SYNE2: variants seen among roughly 807,000 people sequenced by gnomAD.
SYNE2 encodes spectrin repeat containing nuclear envelope protein 2, also known as nesprin-2.
In SYNE2, 431 loss-of-function variants were observed where a neutral mutation model predicts 856.3. The ratio of observed to expected loss-of-function variants is 0.50; its 90% CI spans 0.47 to 0.55. The LOEUF (loss-of-function observed/expected upper bound fraction) is 0.55. SYNE2 is among the 20% of genes least tolerant of loss of function. SYNE2 has a pLI of 0.00. For synonymous variants in SYNE2, 2,923 were observed against 2,872.3 expected (o/e 1.02, Z -0.56); for missense variants, 8,129 against 8,023.2 (o/e 1.01, Z -0.50).
chr14:64,091,680 A>G lies in SYNE2; in HGVS notation c.11976+632A>G, dbSNP rs77947874. ...GGTGGTGGTGGTTGGGTTTTGTTAA[A>G]TCACTACTCTCCATCAGGAATCATC... On this transcript the variant is annotated intron_variant, in intron 60 of 115. Transcript: ENST00000555002. 8.5e-5 allele frequency among the ~76,000 whole-genome samples: 13 copies of G among 152,224 alleles called. No individual in the cohort carries two copies. In the East Asian group the frequency reaches 2.3e-3, roughly 27 times the overall value.
intron 73 of SYNE2, 152 bp downstream of exon 73, chr14:64,126,959 A>C: frequency 9.9e-7 from 1 of 1,009,354 alleles, no homozygotes; most frequent in Non-Finnish European, 1.5e-6. Flanking sequence ...GTTGGAGATC[A>C]TTTGAAAGTG....
At chr14:63,927,409 A>G (rs546359362) in intron 2 of SYNE2, among the ~76,000 whole-genome samples, 2 of 152,178 alleles carry the variant, frequency 1.3e-5, no homozygotes, top group South Asian at 4.1e-4. Context: ...CCCCACCCAA[A>G]TCTCATCTTG....
chr14:63,949,693 G>C, intron 6 of SYNE2, 132 bp from the exon 7 acceptor site: 1 of 907,242 alleles, frequency 1.1e-6, no homozygotes, highest in Non-Finnish European at 1.8e-6. Flanking sequence ...GATTTGCCCA[G>C]TATTCATTTC....
intron 99 of SYNE2, chr14:64,190,642 G>T: frequency 1.4e-6 from 1 of 701,852 alleles, no homozygotes; most frequent in Admixed American, 2.0e-5. Flanking sequence ...GCTTCTGGAT[G>T]CTGGGGGCCC....
chr14:64,100,557 T>A lies in SYNE2; in HGVS notation c.12382-1375T>A, dbSNP rs533828204. Among the ~76,000 whole-genome samples the A allele has an allele frequency of 1.2e-3, 155 of 128,660 alleles. 2 individuals carry two copies. The highest frequency in any genetic ancestry group is 1.6e-3 in the African/African-American group (56 of 34,102). The allele number at this position is 128,660 out of a possible 152,430, so 84.4% of individuals were successfully genotyped here. A position where few individuals can be genotyped will look rare whatever the true frequency, so the allele number is the denominator to read the frequency against. ...ATATATATATATATATATATATATATATATATATATATATTTATGACATGT... is the reference window on the plus strand; with the variant it reads ...ATATATATATATATATATATATATAAATATATATATATATTTATGACATGT... On this transcript the variant is annotated intron_variant, in intron 63 of 115. Coordinates refer to ENST00000555002, the MANE Select transcript of SYNE2 (RefSeq NM_182914.3).
At position 64,130,289 on chromosome 14, in the gene SYNE2, A is replaced by C. The variant is rs980419863; in HGVS notation, c.14340+41A>C. On this transcript the variant is annotated intron_variant, in intron 76 of 115. Transcript: ENST00000555002. ...GGGTCGGGTGACCCCTTCATAGACTAAAATCTTAAGGTATTTCTGAATGTG... is the reference window on the plus strand; with the variant it reads ...GGGTCGGGTGACCCCTTCATAGACTCAAATCTTAAGGTATTTCTGAATGTG... The C allele has an allele frequency of 2.6e-6, 4 of 1,518,370 alleles. No individual in the cohort carries two copies. In the African/African-American group the frequency reaches 5.5e-5, roughly 21 times the overall value. The allele number at this position is 1,518,370 out of a possible 1,614,324, so 94.1% of individuals were successfully genotyped here.
intron 94 of SYNE2, among the ~76,000 whole-genome samples, chr14:64,171,583 A>C (rs867496677): frequency 4.4e-4 from 67 of 152,312 alleles, no homozygotes; most frequent in African/African-American, 1.6e-3. Context: ...CAGCCATGCA[A>C]GATCTAAGGA....
At chr14:63,887,749 CT>C (rs11450102) in intron 1 of SYNE2, among the ~76,000 whole-genome samples, 1,470 of 108,234 alleles carry the variant, frequency 0.014, 6 homozygotes, top group African/African-American at 0.043. Context: ...GTGAGTCCTG[CT>C]TTTTTTTTTT....
chr14:64,030,132 G>C, intron 44 of SYNE2, 73 bp downstream of exon 44: 1 of 1,446,578 alleles, frequency 6.9e-7, no homozygotes. Flanking sequence ...TGATTAATCA[G>C]TGTCCTCTGT....
At chr14:63,965,286 A>G (rs2096375727) in intron 10 of SYNE2, among the ~76,000 whole-genome samples, 2 of 152,172 alleles carry the variant, frequency 1.3e-5, no homozygotes, top group Admixed American at 1.3e-4. Context: ...TCTATGTAGC[A>G]GATACCTTGC....
chr14:64,125,036 G>C, intron 70 of SYNE2, 43 bp from the exon 71 acceptor site: 1 of 1,611,596 alleles, frequency 6.2e-7, no homozygotes, highest in African/African-American at 1.3e-5. Context: ...AACATCAGCA[G>C]GGTCTAAAAC....
intron 1 of SYNE2, among the ~76,000 whole-genome samples, chr14:63,769,525 G>A (rs147663906): frequency 0.01 from 1,553 of 152,122 alleles, 27 homozygotes; most frequent in African/African-American, 0.035. Context: ...AAAATTAGCT[G>A]GGCGTGGTGG....
At chr14:63,804,983 T>C (rs186695637) in intron 1 of SYNE2, among the ~76,000 whole-genome samples, 20 of 152,322 alleles carry the variant, frequency 1.3e-4, no homozygotes, top group Admixed American at 1.2e-3. Context: ...CCCTGCACCA[T>C]TTATTGAATA....
chr14:64,192,333 A>T (rs2098522428), intron 99 of SYNE2, among the ~76,000 whole-genome samples: 2 of 152,136 alleles, frequency 1.3e-5, no homozygotes, highest in African/African-American at 4.8e-5. Context: ...ATGGCATCAA[A>T]CCCATTCATG....
chr14:64,050,822 C>A (rs181761912), intron 47 of SYNE2, among the ~76,000 whole-genome samples: 20 of 151,954 alleles, frequency 1.3e-4, no homozygotes, highest in African/African-American at 4.6e-4. Flanking sequence ...AATTCGAGAC[C>A]AGCTTGGCCA....
Position 64,136,546 on chromosome 14 carries a change from A to AT in SYNE2, c.14647-1235dup, listed in dbSNP as rs969969381. ...AAACCTTCTGTTTTGTTAATAATTT[A>AT]TTTTTTAAGATTAAACAGGTGTCAG... On this transcript the variant is annotated intron_variant, in intron 78 of 115. Transcript: ENST00000555002. 2.6e-5 allele frequency among the ~76,000 whole-genome samples: 4 copies of AT among 152,260 alleles called. No individual in the cohort carries two copies. In the East Asian group the frequency reaches 5.8e-4, roughly 22 times the overall value.
At chr14:64,097,813 C>A in intron 61 of SYNE2, 136 bp from the exon 62 acceptor site, 1 of 856,836 alleles carries the variant, frequency 1.2e-6, no homozygotes, top group South Asian at 1.4e-5. Flanking sequence ...CTATACCGTA[C>A]CAGAGACTAG....
chr14:63,784,675 T>C (rs1887446450), intron 1 of SYNE2, among the ~76,000 whole-genome samples: 1 of 151,504 alleles, frequency 6.6e-6, no homozygotes, highest in Admixed American at 6.6e-5. Context: ...TTTGTAATTA[T>C]ATAAAAATAG....
At chr14:64,171,108 A>G (rs2098408424) in intron 94 of SYNE2, among the ~76,000 whole-genome samples, 1 of 152,176 alleles carries the variant, frequency 6.6e-6, no homozygotes, top group Non-Finnish European at 1.5e-5. Context: ...AAAAAATAAA[A>G]ATAAAGGGGC....
Sources: allele counts gnomAD v4.1 joint callset (sites outside exome capture counted in the v4.1 genomes callset), GRCh38; gene constraint gnomAD v4.1.1; transcripts MANE v1.5; gene names NCBI Gene and HGNC (gene_info 2026-07-23, HGNC 2026-07-21).